Variants in TLE4 observed in about 807,000 individuals in gnomAD.
TLE4 encodes transducin-like enhancer protein 4.
TLE4 carries 8 observed loss-of-function variants against 92.8 expected under a neutral mutation model. The observed-to-expected ratio is 0.09, with a 90% CI of 0.05 to 0.16. The LOEUF (loss-of-function observed/expected upper bound fraction) is 0.16, where lower values mean the gene tolerates loss of function less well. Ranked by LOEUF, TLE4 falls within the 10% of genes least tolerant of loss-of-function variation. TLE4 has a pLI of 1.00. For missense variants in TLE4, 675 were observed against 997.6 expected (o/e 0.68, Z 4.36); for synonymous variants, 371 against 374.1 (o/e 0.99, Z 0.10).
chr9:79,656,653 C>T (rs759903451), intron 8 of TLE4, among the ~76,000 whole-genome samples: 1 of 152,014 alleles, frequency 6.6e-6, no homozygotes, highest in African/African-American at 2.4e-5. Flanking sequence ...CTTATACAGC[C>T]CCAGTGGAAC....
intron 4 of TLE4, among the ~76,000 whole-genome samples, chr9:79,585,233 C>T (rs901046770): frequency 2.0e-5 from 3 of 152,110 alleles, no homozygotes; most frequent in African/African-American, 7.2e-5. Context: ...ATTCTTACAA[C>T]AATCTTATGA....
At chr9:79,598,800 C>T (rs1355748465) in intron 4 of TLE4, among the ~76,000 whole-genome samples, 2 of 152,128 alleles carry the variant, frequency 1.3e-5, no homozygotes, top group Middle Eastern at 3.2e-3. Flanking sequence ...GGGCACTTAA[C>T]ACATGGCGTT....
At chr9:79,601,682 C>T (rs560062899) in intron 4 of TLE4, among the ~76,000 whole-genome samples, 1 of 152,238 alleles carries the variant, frequency 6.6e-6, no homozygotes, top group African/African-American at 2.4e-5. Flanking sequence ...TGCTATTCCC[C>T]CTTCTTTCCC....
At chr9:79,680,083 T>C (rs1441061400) in intron 8 of TLE4, among the ~76,000 whole-genome samples, 1 of 152,216 alleles carries the variant, frequency 6.6e-6, no homozygotes, top group Non-Finnish European at 1.5e-5. Flanking sequence ...TGGCTTAGGA[T>C]TGACTTCGTG....
intron 8 of TLE4, among the ~76,000 whole-genome samples, chr9:79,661,883 T>C (rs1200766117): frequency 1.3e-5 from 2 of 152,186 alleles, no homozygotes; most frequent in African/African-American, 4.8e-5. Context: ...TTCCCGCTCA[T>C]TTGTGATAGT....
At chr9:79,720,859 GT>G (rs747733873) in intron 16 of TLE4, among the ~76,000 whole-genome samples, 13 of 152,172 alleles carry the variant, frequency 8.5e-5, no homozygotes, top group Non-Finnish European at 1.9e-4. Context: ...TAGATTATCT[GT>G]TGTCCCACCT....
At chr9:79,650,020 A>T (rs1279828896) in intron 6 of TLE4, among the ~76,000 whole-genome samples, 1 of 151,372 alleles carries the variant, frequency 6.6e-6, no homozygotes, top group Non-Finnish European at 1.5e-5. Flanking sequence ...GGCTCAGGTG[A>T]TTCTCCCACC....
intron 6 of TLE4, among the ~76,000 whole-genome samples, chr9:79,641,965 TAAA>T (rs1287983444): frequency 1.3e-5 from 2 of 151,568 alleles, no homozygotes; most frequent in Admixed American, 6.6e-5. Flanking sequence ...TTTTTTTAAT[TAAA>T]AAAGGGTATA....
intron 4 of TLE4, among the ~76,000 whole-genome samples, chr9:79,578,770 A>G (rs1393147593): frequency 6.6e-6 from 1 of 152,184 alleles, no homozygotes; most frequent in Non-Finnish European, 1.5e-5. Flanking sequence ...TATGTTTGAG[A>G]ACATAATTAA....
intron 6 of TLE4, among the ~76,000 whole-genome samples, chr9:79,639,481 C>T (rs1412350094): frequency 1.3e-5 from 2 of 152,074 alleles, no homozygotes; most frequent in African/African-American, 2.4e-5. Flanking sequence ...TTTTTTGTAG[C>T]AGTGTAGAGT....
chr9:79,576,147 C>A lies in TLE4; in HGVS notation c.222C>A (p.Ser74=). ...TTCTTTGACAGTATTATGAAATGTCCTATGGGTTGAATATAGAAATGCACA... is the reference window on the plus strand; with the variant it reads ...TTCTTTGACAGTATTATGAAATGTCATATGGGTTGAATATAGAAATGCACA... The part of the protein sequence containing the change: ...QRHYVMYYEM[S]YGLNIEMHKQ... The change falls in exon 4 of 20, where the codon TCC becomes TCA. Residue 74 remains serine (S), a synonymous_variant. Coordinates refer to ENST00000376552, the MANE Select transcript of TLE4 (RefSeq NM_007005.6). The A allele has an allele frequency of 1.3e-6, 2 of 1,529,944 alleles. No individual in the cohort carries two copies. The highest frequency in any genetic ancestry group is 8.8e-7 in the Non-Finnish European group (1 of 1,131,824). 94.8% of individuals were successfully genotyped at this position (1,529,944 alleles called of 1,614,324 possible). A position where few individuals can be genotyped will look rare whatever the true frequency, so the allele number is the denominator to read the frequency against.
intron 8 of TLE4, chr9:79,663,659 G>A (rs1371143821): frequency 6.6e-6 from 1 of 152,148 alleles, no homozygotes; most frequent in Admixed American, 6.5e-5. Flanking sequence ...TAATATAGTA[G>A]TGATCTTTAA....
chr9:79,652,968 G>A (rs1455655803), intron 7 of TLE4, 174 bp downstream of exon 7: 2 of 805,248 alleles, frequency 2.5e-6, no homozygotes, highest in South Asian at 1.4e-5. Context: ...TGATATTCTA[G>A]TGGTTGGCAA....
intron 8 of TLE4, chr9:79,693,728 C>A: frequency 4.1e-6 from 2 of 487,582 alleles, no homozygotes; most frequent in South Asian, 1.5e-5. Flanking sequence ...ATTGTCCTTG[C>A]ATTAAAAAGT....
chr9:79,670,275 A>G (rs1257677247), intron 8 of TLE4, among the ~76,000 whole-genome samples: 6 of 152,104 alleles, frequency 3.9e-5, no homozygotes, highest in Non-Finnish European at 8.8e-5. Context: ...GAAGAAAGAA[A>G]GAGACTACAC....
chr9:79,694,472 G>C (rs180791639), intron 8 of TLE4, among the ~76,000 whole-genome samples: 7 of 152,224 alleles, frequency 4.6e-5, no homozygotes, highest in African/African-American at 1.4e-4. Flanking sequence ...CTGCATCTTA[G>C]ATCTTGTTGT....
In TLE4 at chr9:79,573,157, C is replaced by A. The variant is rs866767984; in HGVS notation, c.45+322C>A. 49 of 838,350 alleles carry A rather than the reference C, an allele frequency of 5.8e-5. No individual in the cohort carries two copies. In the Middle Eastern group the frequency reaches 2.0e-3, roughly 34 times the overall value. 51.9% of individuals were successfully genotyped at this position (838,350 alleles called of 1,614,324 possible). On this transcript the variant is annotated intron_variant, in intron 1 of 19. Coordinates refer to ENST00000376552, the MANE Select transcript of TLE4 (RefSeq NM_007005.6). The stretch of plus-strand genomic sequence containing the variant: ...GCGAGCGATGAAGGAGGCGCGACTC[C>A]GCGCCCGGGCGGGGAGGGCGCCCTC...
intron 6 of TLE4, among the ~76,000 whole-genome samples, chr9:79,641,822 A>G (rs1178148375): frequency 6.6e-6 from 1 of 152,134 alleles, no homozygotes; most frequent in East Asian, 1.9e-4. Flanking sequence ...TGCTAATACC[A>G]TCTCCCACTG....
chr9:79,721,598 T>G (rs1194622205), intron 16 of TLE4, 143 bp from the exon 17 acceptor site: 8 of 1,306,676 alleles, frequency 6.1e-6, no homozygotes, highest in Middle Eastern at 2.4e-4. Flanking sequence ...TTGTTATTAC[T>G]TTGAATAATT....
Sources: gnomAD v4.1 joint callset for allele counts (sites outside exome capture counted in the v4.1 genomes callset) on GRCh38, gnomAD v4.1.1 for gene constraint, MANE v1.5 for transcripts, NCBI Gene and HGNC (gene_info 2026-07-23, HGNC 2026-07-21) for gene names.